CXADR: variants seen among roughly 807,000 people sequenced by gnomAD.
CXADR encodes the protein CXADR cell adhesion molecule, also known as coxsackievirus and adenovirus receptor.
A neutral mutation model predicts 40.3 loss-of-function variants in CXADR; 20 were observed. The observed-to-expected ratio is 0.50, with a 90% CI of 0.35 to 0.72. The LOEUF (loss-of-function observed/expected upper bound fraction) is 0.72. CXADR is among the 30% of genes least tolerant of loss of function. CXADR has a pLI of 0.01. For missense variants in CXADR, 332 were observed against 449.1 expected, an observed-to-expected ratio of 0.74 and a Z score of 2.36; for synonymous variants, 150 against 161.3, an observed-to-expected ratio of 0.93 and a Z score of 0.53.
chr21:17,626,406 T>A, the CXADR span, among the ~76,000 whole-genome samples: 1 of 152,226 alleles, frequency 6.6e-6, no homozygotes, highest in African/African-American at 2.4e-5. Flanking sequence ...TTTATTACCA[T>A]GTAAATTACC....
At chr21:17,599,153 T>C in the CXADR span, 22 of 227,038 alleles carry the variant, frequency 9.7e-5, no homozygotes, top group East Asian at 2.2e-4. Flanking sequence ...ACCAATGAAA[T>C]TGGTTGTACA....
At chr21:17,612,885 C>G in the CXADR span, 3 of 151,936 alleles carry the variant, frequency 2.0e-5, no homozygotes, top group African/African-American at 4.8e-5. Flanking sequence ...GGCGGGCGGA[C>G]GAGCGCGCAC....
chr21:17,572,665 C>T (rs779365265), downstream of CXADR, among the ~76,000 whole-genome samples: 11 of 151,966 alleles, frequency 7.2e-5, no homozygotes, highest in Non-Finnish European at 1.3e-4. Context: ...TTAGGAAACC[C>T]TTTGCAGATG....
At position 17,525,295 on chromosome 21, in the gene CXADR, T is replaced by A. The variant is rs555403409; in HGVS notation, c.43+12123T>A. ...TTTACTTCTAAGAAATAAAAGTATG[T>A]TAAGATTTTAAGAAGAAACAACATA... On this transcript the variant is annotated intron_variant, in intron 1 of 6. Coordinates refer to ENST00000284878, the MANE Select transcript of CXADR (RefSeq NM_001338.5). Among the ~76,000 whole-genome samples, 4 of 152,346 alleles carry A rather than the reference T, an allele frequency of 2.6e-5. No homozygotes were observed. In the East Asian group the frequency reaches 7.7e-4, roughly 29 times the overall value.
the CXADR span, among the ~76,000 whole-genome samples, chr21:17,614,947 C>T: frequency 1.3e-5 from 2 of 152,132 alleles, no homozygotes; most frequent in Admixed American, 1.3e-4. Context: ...CACAAAATCA[C>T]AAATGAATTG....
intron 1 of CXADR, among the ~76,000 whole-genome samples, chr21:17,536,186 A>C (rs2824338): frequency 0.3 from 45,215 of 152,100 alleles, 8,188 homozygotes; most frequent in African/African-American, 0.51. Context: ...AATGAAGAAT[A>C]CGTAGTTGTG....
chr21:17,528,859 T>C (rs1008844689), intron 1 of CXADR, among the ~76,000 whole-genome samples: 2 of 152,084 alleles, frequency 1.3e-5, no homozygotes, highest in African/African-American at 4.8e-5. Context: ...CTACTGGTCT[T>C]CTGGCTACTT....
the CXADR span, chr21:17,604,126 G>C: frequency 1.6e-6 from 2 of 1,284,468 alleles, no homozygotes; most frequent in South Asian, 2.5e-5. Flanking sequence ...AAACCACGAA[G>C]TATCACTCAG....
At chr21:17,634,707 GATGTGCTAA>G in the CXADR span, among the ~76,000 whole-genome samples, 1 of 152,220 alleles carries the variant, frequency 6.6e-6, no homozygotes, top group East Asian at 1.9e-4. Flanking sequence ...GAGTGGTAGA[GATGTGCTAA>G]ATGTCTTCTT....
chr21:17,611,690 C>T, the CXADR span: 1 of 152,244 alleles, frequency 6.6e-6, no homozygotes. Context: ...TTAAATATCG[C>T]ACGGTGACGT....
chr21:17,576,650 G>T (rs571243588), intron 7 of CXADR: 1 of 152,032 alleles, frequency 6.6e-6, no homozygotes, highest in South Asian at 2.1e-4. Flanking sequence ...AAAGTATGTC[G>T]GATTGGGCAG....
chr21:17,532,424 C>T (rs954455482), intron 1 of CXADR, among the ~76,000 whole-genome samples: 12 of 152,128 alleles, frequency 7.9e-5, no homozygotes, highest in African/African-American at 2.9e-4. Context: ...CTCCCCTCAT[C>T]GAGAACAAAT....
chr21:17,615,527 C>T, the CXADR span, among the ~76,000 whole-genome samples: 6 of 152,092 alleles, frequency 3.9e-5, no homozygotes, highest in Non-Finnish European at 7.4e-5. Context: ...AATAACAGAA[C>T]AATTATTATA....
chr21:17,590,225 G>A (rs1210726401), intron 7 of CXADR, among the ~76,000 whole-genome samples: 1 of 56,578 alleles, frequency 1.8e-5, no homozygotes, highest in Admixed American at 2.5e-4. Context: ...TTTGTAGCTA[G>A]GTATTTTTTT....
At chr21:17,515,124 T>G (rs2060443737) in intron 1 of CXADR, among the ~76,000 whole-genome samples, 1 of 80,180 alleles carries the variant, frequency 1.2e-5, no homozygotes, top group Non-Finnish European at 2.4e-5. Context: ...GCAACTATCT[T>G]TATTCCAGTT....
At position 17,580,482 on chromosome 21, in the gene CXADR, G is replaced by A. The variant is rs534438017; in HGVS notation, c.1018-12670G>A. On this transcript the variant is annotated intron_variant, in intron 7 of 7. Coordinates refer to the CXADR transcript ENST00000400169. Reference sequence around the variant, plus strand: ...AAAATACAAAAGTTAGCTGGGCATGGTGGCAGGCGCCAGATACTTGGGAGG... The same window carrying A: ...AAAATACAAAAGTTAGCTGGGCATGATGGCAGGCGCCAGATACTTGGGAGG... Among the ~76,000 whole-genome samples, 3 of 152,270 alleles carry A rather than the reference G, an allele frequency of 2.0e-5. No homozygotes were observed. In the South Asian group the frequency reaches 6.2e-4, roughly 32 times the overall value.
downstream of CXADR, among the ~76,000 whole-genome samples, chr21:17,597,007 G>C (rs904640335): frequency 5.3e-5 from 8 of 152,046 alleles, no homozygotes; most frequent in African/African-American, 1.9e-4. Context: ...ATACTAGAAA[G>C]AAGAAAATCA....
intron 5 of CXADR, 34 bp downstream of exon 5, chr21:17,560,858 T>G: frequency 1.2e-6 from 2 of 1,610,756 alleles, no homozygotes; most frequent in Non-Finnish European, 1.7e-6. Flanking sequence ...TGGTTTTGTT[T>G]CTGTTATCTT....
At chr21:17,624,153 C>T in the CXADR span, among the ~76,000 whole-genome samples, 2 of 152,262 alleles carry the variant, frequency 1.3e-5, no homozygotes, top group South Asian at 2.1e-4. Context: ...CCCCTCATTT[C>T]CTTACCTCCC....
Sources: allele counts gnomAD v4.1 joint callset (sites outside exome capture counted in the v4.1 genomes callset), GRCh38; gene constraint gnomAD v4.1.1; transcripts MANE v1.5; gene names NCBI Gene and HGNC (gene_info 2026-07-23, HGNC 2026-07-21).